The following NDUFB11 variants were observed in gnomAD, a reference collection of about 807,000 sequenced individuals.
NDUFB11 encodes NADH:ubiquinone oxidoreductase subunit B11, also known as NADH dehydrogenase [ubiquinone] 1 beta subcomplex subunit 11, mitochondrial.
For synonymous variants in NDUFB11, 51 were observed against 57.4 expected (o/e 0.89, Z 0.51); for missense variants, 108 against 133.8 (o/e 0.81, Z 0.95).
upstream of NDUFB11, chrX:47,145,369 A>G (rs1556761574): frequency 9.7e-7 from 1 of 1,030,657 alleles, no homozygotes; most frequent in Non-Finnish European, 1.3e-6. Flanking sequence ...ATCTGCCTCC[A>G]GTCTCGGACT....
Position 47,144,603 on chromosome X carries a change from C to G in NDUFB11, c.77G>C (p.Arg26Pro). The G allele has an allele frequency of 8.3e-7, 1 of 1,199,880 alleles. No individual in the cohort carries two copies. The highest frequency in any genetic ancestry group is 1.1e-6 in the Non-Finnish European group (1 of 890,422). ...AAATRGLPAA[R>P]VRWESSFSRT... ...GGAGAAGCTAGATTCCCAGCGGACG[C>G]GGGCGGCCGGGAGCCCTCGCGTCGC... The change falls in exon 1 of 3, where the codon CGC becomes CCC. Residue 26 changes from arginine to proline, a missense_variant. By Grantham distance (103) the Arg-to-Pro change is moderately radical. Transcript: ENST00000377811.
Position 47,142,440 on chromosome X carries a change from C to A in NDUFB11, c.339G>T (p.Arg113Ser). ...CTTCGCGGCGGGACCACTCTTTCAT[C>A]CTGGTAGTGCAAATAGCAGGGGTAG... ...STFVAYLPDY[R>S]MKEWSRREAE... is the part of the protein sequence containing the mutation. Residue 113 changes from arginine (R) to serine (S), a missense_variant and splice_region_variant, in exon 3 of 3, where the codon AGG becomes AGT. Arg to Ser is a moderately radical substitution (Grantham distance 110). Transcript: ENST00000377811. 8.3e-7 allele frequency: 1 copy of A among 1,211,698 alleles called. No homozygotes were observed. Among genetic ancestry groups the A allele is most frequent in the Non-Finnish European group, 1.1e-6 (1 of 895,434 alleles).
Position 47,144,509 on chromosome X carries a change from C to T in NDUFB11, c.171G>A (p.Glu57=), listed in dbSNP as rs201708184. The T allele has an allele frequency of 1.6e-5, 15 of 916,999 alleles. No individual in the cohort carries two copies. The highest frequency in any genetic ancestry group is 2.1e-5 in the Non-Finnish European group (15 of 721,011). 75.6% of individuals were successfully genotyped at this position (916,999 alleles called of 1,213,427 possible). A position where few individuals can be genotyped will look rare whatever the true frequency, so the allele number is the denominator to read the frequency against. The part of the protein sequence containing the change: ...RPPEPTTPWQ[E]DPEPEDENLY... Reference sequence around the variant, plus strand: ...AGTTTTCGTCCTCGGGTTCTGGGTCCTCTTGCCACGGTGTGGTCGGTTCTG... The same window carrying T: ...AGTTTTCGTCCTCGGGTTCTGGGTCTTCTTGCCACGGTGTGGTCGGTTCTG... Residue 57 remains glutamate (E), a synonymous_variant, in exon 1 of 3, where the codon GAG becomes GAA. Coordinates refer to ENST00000377811, the MANE Select transcript of NDUFB11 (RefSeq NM_001135998.3).
chrX:47,144,836 C>T (rs928103746), upstream of NDUFB11: 45 of 498,063 alleles, frequency 9.0e-5, no homozygotes, highest in Non-Finnish European at 1.2e-4. Flanking sequence ...GTTGAGCAAC[C>T]CTCTTTGCCT....
Position 47,144,422 on chromosome X carries a change from C to A in NDUFB11, c.207+51G>T, listed in dbSNP as rs1488427544. On this transcript the variant is annotated intron_variant, in intron 1 of 2. Transcript: ENST00000377811. ...GCCCCATCTGCCGATCCCGGACTGACCCCTTCGGGGTTCCGTCCCCACTAC... is the reference window on the plus strand; with the variant it reads ...GCCCCATCTGCCGATCCCGGACTGAACCCTTCGGGGTTCCGTCCCCACTAC... 3 of 836,046 alleles carry A rather than the reference C, an allele frequency of 3.6e-6. 1 individual carries two copies. The Admixed American group carries it at 1.2e-4, about 34-fold the overall frequency. 68.9% of individuals were successfully genotyped at this position (836,046 alleles called of 1,213,427 possible).
chrX:47,144,469 T>G lies in NDUFB11; in HGVS notation c.207+4A>C. The G allele has an allele frequency of 2.1e-5, 3 of 142,353 alleles. No homozygotes were observed. The highest frequency in any genetic ancestry group is 2.9e-5 in the Non-Finnish European group (3 of 103,489). 11.7% of individuals were successfully genotyped at this position (142,353 alleles called of 1,213,427 possible). A position where few individuals can be genotyped will look rare whatever the true frequency, so the allele number is the denominator to read the frequency against. On this transcript the variant is annotated splice_donor_region_variant and intron_variant, in intron 1 of 2. Transcript: ENST00000377811. Reference sequence around the variant, plus strand: ...CTACCCCCCCCCCCCCCCCCGCCTCTCACCTTCTCATACAAGTTTTCGTCC... The same window carrying G: ...CTACCCCCCCCCCCCCCCCCGCCTCGCACCTTCTCATACAAGTTTTCGTCC...
upstream of NDUFB11, chrX:47,145,059 G>A (rs1931991155): frequency 3.3e-6 from 1 of 299,109 alleles, no homozygotes; most frequent in East Asian, 5.4e-5. Flanking sequence ...CTTCTAAAAA[G>A]CGGGCCCTGC....
At position 47,144,662 on chromosome X, in the gene NDUFB11, A is replaced by T; in HGVS notation, c.18T>A (p.Phe6Leu). The T allele has an allele frequency of 8.6e-7, 1 of 1,168,117 alleles. No individual in the cohort carries two copies. Among genetic ancestry groups the T allele is most frequent in the Non-Finnish European group, 1.1e-6 (1 of 874,290 alleles). Reference sequence around the variant, plus strand: ...CCAAAAGACGGCGAGCGCTCAAACCAAACAGCCCAGCCGCCATGACAGATG... The same window carrying T: ...CCAAAAGACGGCGAGCGCTCAAACCTAACAGCCCAGCCGCCATGACAGATG... Reference protein sequence around the residue: MAAGLFGLSARRLLAA... With the variant: MAAGLLGLSARRLLAA... Residue 6 changes from phenylalanine to leucine, a missense_variant, in exon 1 of 3, where the codon TTT becomes TTA. Transcript: ENST00000377811.
rs533557361 is a variant in NDUFB11 at position 47,142,756 on chromosome X, T to C, written c.208-12A>G. 2.8e-5 allele frequency: 34 copies of C among 1,203,242 alleles called. No homozygotes were observed. The South Asian group carries it at 4.0e-4, about 14-fold the overall frequency. On this transcript the variant is annotated splice_polypyrimidine_tract_variant and intron_variant, in intron 1 of 2. Coordinates refer to ENST00000377811, the MANE Select transcript of NDUFB11 (RefSeq NM_001135998.3). ...TGGGAGTCTGGGTTCTGTGGAGAAA[T>C]AGAGGTCAATGAGGGCTTCCTGCTG...
rs1556761313 is a variant in NDUFB11, at chrX:47,144,660, C to A, written c.20G>T (p.Gly7Val). The change falls in exon 1 of 3, where the codon GGT (glycine) becomes GTT (valine). Residue 7 changes from glycine (G) to valine (V), a missense_variant. Coordinates refer to ENST00000377811, the MANE Select transcript of NDUFB11 (RefSeq NM_001135998.3). ...CGCCAAAAGACGGCGAGCGCTCAAA[C>A]CAAACAGCCCAGCCGCCATGACAGA... Reference protein sequence around the residue: MAAGLFGLSARRLLAAA... With the variant: MAAGLFVLSARRLLAAA... The A allele has an allele frequency of 8.6e-7, 1 of 1,167,766 alleles. No homozygotes were observed. The highest frequency in any genetic ancestry group is 3.2e-5 in the East Asian group (1 of 31,214).
chrX:47,144,885 C>G, upstream of NDUFB11: 1 of 382,360 alleles, frequency 2.6e-6, no homozygotes. Context: ...CATTTTCGGC[C>G]AGGCTGAGAA....
At chrX:47,142,564 T>A in intron 2 of NDUFB11, 50 bp downstream of exon 2, 1 of 1,208,064 alleles carries the variant, frequency 8.3e-7, no homozygotes, top group East Asian at 3.0e-5. Context: ...TCAACCTCCA[T>A]CCCTGCCTCT....
At chrX:47,144,941 G>T, upstream of NDUFB11, 2 of 330,066 alleles carry the variant, frequency 6.1e-6, no homozygotes, top group Non-Finnish European at 1.1e-5. Flanking sequence ...GGAAGAAATC[G>T]GTGACATTTG....
upstream of NDUFB11, chrX:47,144,859 G>A: frequency 2.4e-6 from 1 of 415,110 alleles, no homozygotes; most frequent in Non-Finnish European, 4.0e-6. Flanking sequence ...AGTTGTCGTG[G>A]CTTCGTGGGG....
chrX:47,145,284 T>G (rs1932008838), upstream of NDUFB11: 1 of 557,721 alleles, frequency 1.8e-6, no homozygotes, highest in Non-Finnish European at 3.0e-6. Context: ...AGCTGGTGAC[T>G]GTGGCCGGCT....
intron 2 of NDUFB11, 86 bp from the exon 3 acceptor site, chrX:47,142,526 A>C: frequency 1.2e-5 from 14 of 1,203,528 alleles, no homozygotes. Flanking sequence ...CCAATGGTGC[A>C]GGAACAAAAC....
chrX:47,142,276 G>A lies in NDUFB11; in HGVS notation c.*41C>T. ...AAGAGGTCAGAATGGCAGGCAGGGG[G>A]TGGGGAAGGCGGTGCTTCTTGAGCC... On this transcript the variant is annotated 3_prime_UTR_variant, in exon 3 of 3. Coordinates refer to ENST00000377811, the MANE Select transcript of NDUFB11 (RefSeq NM_001135998.3). 8.4e-7 allele frequency: 1 copy of A among 1,191,692 alleles called. No homozygotes were observed. Among genetic ancestry groups the A allele is most frequent in the East Asian group, 3.0e-5 (1 of 33,338 alleles).
intron 2 of NDUFB11, 23 bp from the exon 3 acceptor site, chrX:47,142,463 T>A (rs782212836): frequency 5.0e-6 from 6 of 1,208,489 alleles, no homozygotes; most frequent in Non-Finnish European, 1.1e-6. Context: ...ATAGCAGGGG[T>A]AGACGTGAGG....
chrX:47,145,111 G>T (rs1931994329), upstream of NDUFB11: 2 of 341,286 alleles, frequency 5.9e-6, no homozygotes, highest in African/African-American at 2.6e-5. Flanking sequence ...CTAGGGGAGC[G>T]TTCGCAAGGG....
Sources: gnomAD v4.1 joint callset for allele counts on GRCh38, gnomAD v4.1.1 for gene constraint, MANE v1.5 for transcripts, NCBI Gene and HGNC (gene_info 2026-07-23, HGNC 2026-07-21) for gene names.